The following CNTN3 variants were observed in gnomAD, a reference collection of about 807,000 sequenced individuals.
The protein encoded by CNTN3 is contactin 3.
Under a neutral mutation model 119.1 loss-of-function variants are expected in CNTN3, and 60 were observed. The ratio of observed to expected loss-of-function variants is 0.50; its 90% CI spans 0.41 to 0.62. The LOEUF (loss-of-function observed/expected upper bound fraction) is 0.62. Ranked by LOEUF, CNTN3 falls within the 20% of genes least tolerant of loss-of-function variation. CNTN3 has a pLI of 0.00. For synonymous variants in CNTN3, 450 were observed against 438.7 expected, an observed-to-expected ratio of 1.03 and a Z score of -0.32; for missense variants, 1,101 against 1,242.4, an observed-to-expected ratio of 0.89 and a Z score of 1.71.
intron 11 of CNTN3, among the ~76,000 whole-genome samples, chr3:74,355,533 C>T (rs1012058236): frequency 1.8e-4 from 27 of 152,024 alleles, no homozygotes; most frequent in African/African-American, 6.3e-4. Flanking sequence ...CGGTACACTG[C>T]AACCTCCAAC....
intron 4 of CNTN3, among the ~76,000 whole-genome samples, chr3:74,444,776 T>G (rs532190992): frequency 2.0e-4 from 31 of 152,280 alleles, no homozygotes; most frequent in African/African-American, 6.7e-4. Flanking sequence ...TATAACCCTA[T>G]CAGGTACTAG....
intron 1 of CNTN3, among the ~76,000 whole-genome samples, chr3:74,556,685 T>C (rs576699354): frequency 3.3e-5 from 5 of 152,294 alleles, no homozygotes; most frequent in African/African-American, 1.2e-4. Context: ...ATATGGGACC[T>C]CTATATTTAA....
chr3:74,507,626 CTTTTTTTTTTTTTTTTTT>C (rs59540461), intron 2 of CNTN3, among the ~76,000 whole-genome samples: 1 of 103,652 alleles, frequency 9.6e-6, no homozygotes, highest in South Asian at 3.4e-4. Flanking sequence ...TTCTTTCTTT[CTTTTTTTTTTTTTTTTTT>C]TTTTTAAGAA....
intron 4 of CNTN3, among the ~76,000 whole-genome samples, chr3:74,460,298 A>C (rs2106971177): frequency 6.6e-6 from 1 of 152,118 alleles, no homozygotes; most frequent in South Asian, 2.1e-4. Context: ...ACAAATCAAA[A>C]CTAACTAGCA....
intron 1 of CNTN3, among the ~76,000 whole-genome samples, chr3:74,603,858 A>G (rs1181200841): frequency 6.6e-6 from 1 of 152,146 alleles, no homozygotes; most frequent in African/African-American, 2.4e-5. Flanking sequence ...CTCAATAACC[A>G]AAGCAATCTT....
At position 74,365,654 on chromosome 3, in the gene CNTN3, T is replaced by A; in HGVS notation, c.995A>T (p.Glu332Val). The A allele has an allele frequency of 6.2e-7, 1 of 1,613,488 alleles. No individual in the cohort carries two copies. Among genetic ancestry groups the A allele is most frequent in the South Asian group, 1.1e-5 (1 of 91,066 alleles). The change falls in exon 9 of 23, where the codon GAG becomes GTG. Residue 332 changes from glutamate (E) to valine (V), a missense_variant. By Grantham distance (121) the Glu-to-Val change is moderately radical. Coordinates refer to ENST00000263665, the MANE Select transcript of CNTN3 (RefSeq NM_020872.3). ...QLIKDVEIAV[E>V]DSLYWECRAS... ...CCTGCATTCCCAATAAAGACTGTCC[T>A]CCACGGCTATTTCCACATCCTTTAT...
intron 5 of CNTN3, among the ~76,000 whole-genome samples, chr3:74,402,300 G>T (rs1246517289): frequency 6.6e-6 from 1 of 152,120 alleles, no homozygotes. Context: ...AATGAATGGT[G>T]TTTAGTTTGG....
At chr3:74,575,955 G>A (rs1293623038) in intron 1 of CNTN3, among the ~76,000 whole-genome samples, 1 of 151,946 alleles carries the variant, frequency 6.6e-6, no homozygotes, top group Non-Finnish European at 1.5e-5. Flanking sequence ...CCAGTGTCCA[G>A]CTTCCCTAGC....
chr3:74,563,283 G>A (rs1704179781), intron 1 of CNTN3, among the ~76,000 whole-genome samples: 1 of 152,090 alleles, frequency 6.6e-6, no homozygotes, highest in Admixed American at 6.6e-5. Flanking sequence ...GGGGGAAAAT[G>A]CTACATTAGC....
intron 19 of CNTN3, among the ~76,000 whole-genome samples, chr3:74,292,351 G>A (rs910491149): frequency 1.3e-5 from 2 of 152,158 alleles, no homozygotes; most frequent in South Asian, 2.1e-4. Flanking sequence ...GATCACCTGA[G>A]GTTGAGAGTT....
chr3:74,476,763 C>T (rs953867376), intron 4 of CNTN3, among the ~76,000 whole-genome samples: 10 of 151,868 alleles, frequency 6.6e-5, no homozygotes, highest in Admixed American at 2.0e-4. Context: ...TAGAATGTCT[C>T]GACATGGAAA....
chr3:74,544,090 C>G (rs533155122), intron 1 of CNTN3, among the ~76,000 whole-genome samples: 30 of 152,256 alleles, frequency 2.0e-4, no homozygotes, highest in African/African-American at 6.5e-4. Context: ...ATGCAAGAGT[C>G]AGAAAGGACA....
intron 3 of CNTN3, among the ~76,000 whole-genome samples, chr3:74,496,823 C>G (rs1194451439): frequency 2.6e-5 from 4 of 151,972 alleles, no homozygotes; most frequent in Non-Finnish European, 5.9e-5. Context: ...CTCAATTAAA[C>G]CCTAAGACGA....
chr3:74,264,751 A>G (rs1701635976), intron 22 of CNTN3, among the ~76,000 whole-genome samples: 1 of 152,090 alleles, frequency 6.6e-6, no homozygotes. Flanking sequence ...CCACCTGTCT[A>G]GGTAGTTTTG....
At chr3:74,377,966 C>T (rs1257269243) in intron 5 of CNTN3, among the ~76,000 whole-genome samples, 3 of 152,152 alleles carry the variant, frequency 2.0e-5, no homozygotes, top group Non-Finnish European at 4.4e-5. Flanking sequence ...CCTTCTATGG[C>T]CACTTTCCAG....
At chr3:74,404,785 C>A (rs1705284540) in intron 5 of CNTN3, among the ~76,000 whole-genome samples, 1 of 147,460 alleles carries the variant, frequency 6.8e-6, no homozygotes, top group South Asian at 2.1e-4. Flanking sequence ...AATACTAAAG[C>A]AGTTATAAAA....
chr3:74,296,054 A>T (rs529259526), intron 18 of CNTN3, among the ~76,000 whole-genome samples: 9 of 152,130 alleles, frequency 5.9e-5, no homozygotes, highest in Non-Finnish European at 1.2e-4. Flanking sequence ...GAAGAGCAGA[A>T]CCATTTTCTG....
intron 1 of CNTN3, among the ~76,000 whole-genome samples, chr3:74,573,933 A>T (rs1426885766): frequency 6.6e-6 from 1 of 152,304 alleles, no homozygotes; most frequent in African/African-American, 2.4e-5. Flanking sequence ...GTGACCAAGC[A>T]GTCCTACTCA....
chr3:74,582,629 G>A (rs767038708), intron 1 of CNTN3, among the ~76,000 whole-genome samples: 5 of 152,062 alleles, frequency 3.3e-5, no homozygotes, highest in Non-Finnish European at 7.4e-5. Flanking sequence ...TAAAACCACA[G>A]TAGGATATAC....
Sources: allele counts gnomAD v4.1 joint callset (sites outside exome capture counted in the v4.1 genomes callset), GRCh38; gene constraint gnomAD v4.1.1; transcripts MANE v1.5; gene names NCBI Gene and HGNC (gene_info 2026-07-23, HGNC 2026-07-21).